SPATA6L: variants seen among roughly 807,000 people sequenced by gnomAD.
SPATA6L encodes spermatogenesis associated 6 like, also known as spermatogenesis associated 6-like protein.
SPATA6L carries 68 observed loss-of-function variants against 49.2 expected under a neutral mutation model. The observed-to-expected ratio is 1.38, with a 90% confidence interval of 1.14 to 1.69. SPATA6L has a LOEUF of 1.69. Among genes scored for constraint, SPATA6L ranks in the 40% most tolerant of loss-of-function variants. SPATA6L has a pLI of 0.00. For synonymous variants in SPATA6L, 198 were observed against 165.7 expected (o/e 1.19, Z -1.50); for missense variants, 668 against 464.3 (o/e 1.44, Z -4.03).
chr9:4,655,373 T>A (rs978260160), intron 3 of SPATA6L, among the ~76,000 whole-genome samples: 1 of 152,186 alleles, frequency 6.6e-6, no homozygotes, highest in Non-Finnish European at 1.5e-5. Flanking sequence ...TGGTTACCTA[T>A]AGCTAGGAGG....
At position 4,606,546 on chromosome 9, in the gene SPATA6L, C is replaced by T. The variant is rs1319575978; in HGVS notation, c.996-1106G>A. Among the ~76,000 whole-genome samples, 2 of 37,550 alleles carry T rather than the reference C, an allele frequency of 5.3e-5. 1 individual carries two copies. The highest frequency in any genetic ancestry group is 1.3e-4 in the Non-Finnish European group (2 of 15,274). 24.6% of individuals were successfully genotyped at this position (37,550 alleles called of 152,430 possible). On this transcript the variant is annotated intron_variant, in intron 9 of 11. Transcript: ENST00000682582. ...CCCCCCAGCAGGGGCACACTGACAC[C>T]TCACACGGCCGGGTACTCCAACAGA...
Position 4,666,344 on chromosome 9 carries a change from A to T in SPATA6L, c.-94T>A. On this transcript the variant is annotated 5_prime_UTR_variant, in exon 1 of 12. Coordinates refer to ENST00000682582, the MANE Select transcript of SPATA6L (RefSeq NM_001353486.2). ...CTTAGTTTAGCTGAATACCTAGAGC[A>T]AATGTTCCCAGAAGCTTCCCCAGTC... 7.4e-7 allele frequency: 1 copy of T among 1,346,484 alleles called. No individual in the cohort carries two copies. The highest frequency in any genetic ancestry group is 1.1e-6 in the Non-Finnish European group (1 of 945,498). 83.4% of individuals were successfully genotyped at this position (1,346,484 alleles called of 1,614,324 possible). A position where few individuals can be genotyped will look rare whatever the true frequency, so the allele number is the denominator to read the frequency against.
intron 9 of SPATA6L, 59 bp downstream of exon 9, chr9:4,617,864 T>A (rs1036267010): frequency 1.1e-4 from 157 of 1,441,886 alleles, no homozygotes; most frequent in Non-Finnish European, 2.1e-5. Flanking sequence ...TGACCCAGCT[T>A]TACCCCTGCC....
chr9:4,629,755 A>ATATGTGTGTGTGTGTGTGTGTGTG (rs1554721565), intron 4 of SPATA6L, among the ~76,000 whole-genome samples: 6 of 125,432 alleles, frequency 4.8e-5, no homozygotes, highest in African/African-American at 2.0e-4. Flanking sequence ...TGTTTTATAT[A>ATATGTGTGTGTGTGTGTGTGTGTG]TGTGTGTGTG....
chr9:4,639,513 C>A (rs1269484184), intron 3 of SPATA6L, among the ~76,000 whole-genome samples: 1 of 152,224 alleles, frequency 6.6e-6, no homozygotes, highest in Admixed American at 6.5e-5. Flanking sequence ...TCAAGACAGT[C>A]TCTCTGGTGT....
intron 2 of SPATA6L, among the ~76,000 whole-genome samples, chr9:4,657,794 A>G (rs379900): frequency 0.59 from 89,156 of 151,936 alleles, 26,936 homozygotes; most frequent in East Asian, 0.77. Flanking sequence ...CTAGCTAAAG[A>G]TTAGTTGGCA....
intron 2 of SPATA6L, among the ~76,000 whole-genome samples, chr9:4,658,255 G>A (rs539080417): frequency 1.3e-5 from 2 of 152,282 alleles, no homozygotes; most frequent in South Asian, 4.1e-4. Flanking sequence ...ATCTTGGGGA[G>A]TAAATAATCA....
At chr9:4,595,289 A>T (rs992265135), downstream of SPATA6L, among the ~76,000 whole-genome samples, 1 of 152,052 alleles carries the variant, frequency 6.6e-6, no homozygotes, top group Non-Finnish European at 1.5e-5. Flanking sequence ...TTGTCTCATG[A>T]TGTCTTCCCA....
At chr9:4,656,140 C>G in intron 2 of SPATA6L, 51 bp from the exon 3 acceptor site, 1 of 1,495,720 alleles carries the variant, frequency 6.7e-7, no homozygotes, top group Non-Finnish European at 9.2e-7. Context: ...TTAATAAGCG[C>G]ATATAGAAAC....
rs184213752 is a variant in SPATA6L at position 4,630,920 on chromosome 9, T to G, written c.352-1752A>C. On this transcript the variant is annotated intron_variant, in intron 4 of 11. Transcript: ENST00000682582. ...AGAGATTAACCTAACCAAAGTCTCA[T>G]AGCCATTCATGACAAAACTGGGAAT... Among the ~76,000 whole-genome samples, 447 of 152,342 alleles carry G rather than the reference T, an allele frequency of 2.9e-3. 4 individuals are homozygous for G. The Middle Eastern group carries it at 0.041, about 14-fold the overall frequency.
At chr9:4,634,881 G>A (rs1832460969) in intron 4 of SPATA6L, among the ~76,000 whole-genome samples, 1 of 152,082 alleles carries the variant, frequency 6.6e-6, no homozygotes, top group Admixed American at 6.6e-5. Flanking sequence ...ATCTGCCTTG[G>A]CTAACTTGAG....
Position 4,657,393 on chromosome 9 carries a change from T to C in SPATA6L, c.178-1304A>G, listed in dbSNP as rs534420006. Among the ~76,000 whole-genome samples the C allele has an allele frequency of 3.3e-5, 5 of 152,266 alleles. 1 individual carries two copies. In the South Asian group the frequency reaches 1.0e-3, roughly 32 times the overall value. On this transcript the variant is annotated intron_variant, in intron 2 of 11. Transcript: ENST00000682582. ...ATGGAATGAAGTCTTAAACCCAGTA[T>C]CTCAGAATGTGACCTTAGTTTGCAA... is the stretch of plus-strand genomic sequence containing the variant.
At chr9:4,608,852 C>T (rs1334998899) in intron 9 of SPATA6L, among the ~76,000 whole-genome samples, 2 of 152,030 alleles carry the variant, frequency 1.3e-5, no homozygotes, top group African/African-American at 2.4e-5. Context: ...TTAATGAATC[C>T]AGGATCTGGT....
rs999272269 is a variant in SPATA6L at position 4,629,254 on chromosome 9, C to T, written c.352-86G>A. 22 of 841,568 alleles carry T rather than the reference C, an allele frequency of 2.6e-5. No individual in the cohort carries two copies. The African/African-American group carries it at 3.5e-4, about 13-fold the overall frequency. 52.1% of individuals were successfully genotyped at this position (841,568 alleles called of 1,614,324 possible). Reference sequence around the variant, plus strand: ...TTCTAACTTGAAATCATACAAGAACCTAACTGCTCTTCTGTGTGGCATAAT... The same window carrying T: ...TTCTAACTTGAAATCATACAAGAACTTAACTGCTCTTCTGTGTGGCATAAT... On this transcript the variant is annotated intron_variant, in intron 4 of 11. Coordinates refer to ENST00000682582, the MANE Select transcript of SPATA6L (RefSeq NM_001353486.2).
At chr9:4,643,379 G>C (rs1010367891) in intron 3 of SPATA6L, among the ~76,000 whole-genome samples, 2 of 152,242 alleles carry the variant, frequency 1.3e-5, no homozygotes, top group African/African-American at 4.8e-5. Flanking sequence ...ATGCACTCCT[G>C]GATGCAGTAG....
chr9:4,591,308 A>G (rs1489561738), intron 13 of SPATA6L, among the ~76,000 whole-genome samples: 1 of 152,194 alleles, frequency 6.6e-6, no homozygotes, highest in Admixed American at 6.5e-5. Flanking sequence ...TGTGTTTCCA[A>G]GGTTATTAGC....
intron 1 of SPATA6L, 90 bp downstream of exon 1, chr9:4,666,122 G>T: frequency 9.2e-7 from 1 of 1,092,118 alleles, no homozygotes; most frequent in Non-Finnish European, 1.4e-6. Context: ...TGTGGTAAGT[G>T]GGGGATGTGG....
downstream of SPATA6L, among the ~76,000 whole-genome samples, chr9:4,596,125 T>A (rs752152262): frequency 1.3e-5 from 2 of 152,198 alleles, no homozygotes; most frequent in African/African-American, 2.4e-5. Context: ...ACTTGAAATA[T>A]CTCGTTTAAG....
Position 4,650,677 on chromosome 9 carries a change from T to G in SPATA6L, c.226+5364A>C, listed in dbSNP as rs1045929077. Reference sequence around the variant, plus strand: ...AAATAATTTTTTGTTTGTTTGTTTTTGAGACGGAGTCTTGCTCTGTCGCCC... The same window carrying G: ...AAATAATTTTTTGTTTGTTTGTTTTGGAGACGGAGTCTTGCTCTGTCGCCC... On this transcript the variant is annotated intron_variant, in intron 3 of 11. Transcript: ENST00000682582. Among the ~76,000 whole-genome samples, 8 of 152,310 alleles carry G rather than the reference T, an allele frequency of 5.3e-5. No individual in the cohort carries two copies. In the East Asian group the frequency reaches 1.3e-3, roughly 26 times the overall value.
Sources: gnomAD v4.1 joint callset for allele counts (sites outside exome capture counted in the v4.1 genomes callset) on GRCh38, gnomAD v4.1.1 for gene constraint, MANE v1.5 for transcripts, NCBI Gene and HGNC (gene_info 2026-07-23, HGNC 2026-07-21) for gene names.